The following GPC5 variants were observed in gnomAD, a reference collection of about 807,000 sequenced individuals.
The protein encoded by GPC5 is glypican-5.
Under a neutral mutation model 53.9 loss-of-function variants are expected in GPC5, and 47 were observed. That is an observed-to-expected ratio of 0.87 (90% CI 0.69 to 1.11). GPC5 has a LOEUF of 1.11. Ranked by LOEUF, GPC5 falls within the 50% of genes most tolerant of loss-of-function variation. The pLI is 0.00. For missense variants in GPC5, 748 were observed against 713.1 expected (o/e 1.05, Z -0.56); for synonymous variants, 286 against 263.3 (o/e 1.09, Z -0.84).
intron 7 of GPC5, among the ~76,000 whole-genome samples, chr13:92,279,555 C>G (rs180739179): frequency 2.2e-4 from 33 of 151,948 alleles, no homozygotes; most frequent in African/African-American, 7.5e-4. Flanking sequence ...TTGTCTTGTT[C>G]CTGACCCTAA....
intron 5 of GPC5, among the ~76,000 whole-genome samples, chr13:91,814,126 G>A (rs1223955974): frequency 6.6e-6 from 1 of 151,788 alleles, no homozygotes; most frequent in Middle Eastern, 3.4e-3. Flanking sequence ...TAGAGACGGG[G>A]TTTCACCATC....
intron 7 of GPC5, among the ~76,000 whole-genome samples, chr13:92,482,990 A>C (rs146821922): frequency 0.021 from 3,184 of 152,248 alleles, 48 homozygotes; most frequent in Non-Finnish European, 0.033. Flanking sequence ...AGGAGAAGCA[A>C]AGGCACGTCT....
At chr13:91,531,157 A>C (rs1326529551) in intron 2 of GPC5, among the ~76,000 whole-genome samples, 1 of 152,208 alleles carries the variant, frequency 6.6e-6, no homozygotes, top group Non-Finnish European at 1.5e-5. Flanking sequence ...AATACCTTTG[A>C]GTAATGATTT....
rs759345297 is a variant in GPC5 at position 92,584,433 on chromosome 13, A to G, written c.1562-281849A>G. 1.4e-4 allele frequency among the ~76,000 whole-genome samples: 21 copies of G among 152,186 alleles called. 1 individual carries two copies. The highest frequency in any genetic ancestry group is 1.6e-4 in the Non-Finnish European group (11 of 68,034). ...CTGTGGAGCTTTGAACTTGAGACAGATGATTTAGGGTATCTGGCAAAAGAC... is the reference window on the plus strand; with the variant it reads ...CTGTGGAGCTTTGAACTTGAGACAGGTGATTTAGGGTATCTGGCAAAAGAC... On this transcript the variant is annotated intron_variant, in intron 7 of 7. Transcript: ENST00000377067.
chr13:92,670,837 C>G (rs556059890), intron 7 of GPC5, among the ~76,000 whole-genome samples: 1 of 152,170 alleles, frequency 6.6e-6, no homozygotes, highest in Admixed American at 6.6e-5. Flanking sequence ...AGGCCACATA[C>G]ATAAACACAT....
In GPC5 at chr13:91,918,922, A is replaced by T. The variant is rs78466882; in HGVS notation, c.1401+10865A>T. 1.6e-4 allele frequency among the ~76,000 whole-genome samples: 25 copies of T among 152,176 alleles called. No homozygotes were observed. The East Asian group carries it at 4.8e-3, about 29-fold the overall frequency. On this transcript the variant is annotated intron_variant, in intron 6 of 7. Transcript: ENST00000377067. Reference sequence around the variant, plus strand: ...TTTCCCTCTCTCATGGCTTCACGGTAGCTGCCTAATTATCTTCTTCCAAGA... The same window carrying T: ...TTTCCCTCTCTCATGGCTTCACGGTTGCTGCCTAATTATCTTCTTCCAAGA...
intron 2 of GPC5, among the ~76,000 whole-genome samples, chr13:91,673,239 A>G (rs936776826): frequency 1.1e-4 from 16 of 152,280 alleles, no homozygotes; most frequent in Admixed American, 3.9e-4. Flanking sequence ...AGAAACAACA[A>G]CAACAACAAA....
chr13:92,403,555 C>A (rs760931664), intron 7 of GPC5, among the ~76,000 whole-genome samples: 1 of 152,154 alleles, frequency 6.6e-6, no homozygotes. Context: ...CTAACTAATG[C>A]CTGATGTTCT....
At chr13:92,354,709 G>C (rs927639674) in intron 7 of GPC5, among the ~76,000 whole-genome samples, 1 of 152,140 alleles carries the variant, frequency 6.6e-6, no homozygotes, top group Non-Finnish European at 1.5e-5. Context: ...AATCATAACC[G>C]ATGAGATGGG....
chr13:92,588,265 T>C lies in GPC5; in HGVS notation c.1562-278017T>C, dbSNP rs112462571. On this transcript the variant is annotated intron_variant, in intron 7 of 7. Coordinates refer to ENST00000377067, the MANE Select transcript of GPC5 (RefSeq NM_004466.6). ...GCAAAGGACATGAACTCATTCTTTT[T>C]TATGGCTGCATAGTATTCCATGGTG... is the stretch of plus-strand genomic sequence containing the variant. Among the ~76,000 whole-genome samples the C allele has an allele frequency of 1.2e-4, 18 of 152,332 alleles. 1 individual carries two copies. The highest frequency in any genetic ancestry group is 3.8e-4 in the African/African-American group (16 of 41,576).
intron 7 of GPC5, among the ~76,000 whole-genome samples, chr13:92,613,355 TATA>T (rs1312751202): frequency 6.5e-4 from 64 of 98,160 alleles, no homozygotes; most frequent in Admixed American, 2.7e-3. Context: ...TATATAAATA[TATA>T]ATATATTTAT....
chr13:92,582,167 T>C (rs1284981661), intron 7 of GPC5, among the ~76,000 whole-genome samples: 1 of 152,148 alleles, frequency 6.6e-6, no homozygotes, highest in Non-Finnish European at 1.5e-5. Flanking sequence ...CTAGTAGTTT[T>C]ATAGTTTTTG....
At chr13:91,487,745 T>TAA in intron 2 of GPC5, among the ~76,000 whole-genome samples, 1 of 152,340 alleles carries the variant, frequency 6.6e-6, no homozygotes, top group African/African-American at 2.4e-5. Flanking sequence ...TTCTCCTTTA[T>TAA]AGATCAGATG....
chr13:92,417,516 T>C (rs374745457), intron 7 of GPC5, among the ~76,000 whole-genome samples: 50 of 152,272 alleles, frequency 3.3e-4, no homozygotes, highest in African/African-American at 1.1e-3. Context: ...TTAAACCATA[T>C]GTTCATACAA....
intron 2 of GPC5, among the ~76,000 whole-genome samples, chr13:91,631,567 C>T (rs550492277): frequency 2.2e-4 from 33 of 152,134 alleles, no homozygotes; most frequent in African/African-American, 7.7e-4. Context: ...CTGAGCACTG[C>T]GTGTGCCACA....
Position 91,878,991 on chromosome 13 carries a change from A to G in GPC5, c.1281-28946A>G, listed in dbSNP as rs377110996. ...TCTCTATAATCATATTGTCTCCTAC[A>G]GAAGATTTGTCTCTCTCTAATTCTT... On this transcript the variant is annotated intron_variant, in intron 5 of 7. Coordinates refer to ENST00000377067, the MANE Select transcript of GPC5 (RefSeq NM_004466.6). Among the ~76,000 whole-genome samples the G allele has an allele frequency of 1.5e-3, 235 of 152,284 alleles. 1 individual carries two copies. In the Middle Eastern group the frequency reaches 0.054, roughly 35 times the overall value.
At chr13:92,254,959 A>G (rs1263295540) in intron 7 of GPC5, among the ~76,000 whole-genome samples, 1 of 152,168 alleles carries the variant, frequency 6.6e-6, no homozygotes, top group Non-Finnish European at 1.5e-5. Flanking sequence ...ATGGAAAATA[A>G]TCAGACCAAA....
At chr13:91,684,235 C>A (rs758986837) in intron 2 of GPC5, among the ~76,000 whole-genome samples, 26 of 152,086 alleles carry the variant, frequency 1.7e-4, no homozygotes, top group South Asian at 6.2e-4. Context: ...TTATTTCATC[C>A]AGCACCATAA....
chr13:92,709,660 T>C lies in GPC5; in HGVS notation c.1562-156622T>C, dbSNP rs564709996. On this transcript the variant is annotated intron_variant, in intron 7 of 7. Transcript: ENST00000377067. ...GCTCAAAATTAGCACTCTGTCACTT[T>C]TCCTCACACTCTACTGGCCCACATC... 1.9e-3 allele frequency: 286 copies of C among 152,258 alleles called. 3 individuals carry two copies. The highest frequency in any genetic ancestry group is 6.5e-3 in the African/African-American group (271 of 41,566). The allele number at this position is 152,258 out of a possible 1,614,324, so 9.4% of individuals were successfully genotyped here.
Sources: gnomAD v4.1 joint callset for allele counts (sites outside exome capture counted in the v4.1 genomes callset) on GRCh38, gnomAD v4.1.1 for gene constraint, MANE v1.5 for transcripts, NCBI Gene and HGNC (gene_info 2026-07-23, HGNC 2026-07-21) for gene names.